LYRM4: variants seen among roughly 807,000 people sequenced by gnomAD.
The protein encoded by LYRM4 is LYR motif containing 4, also known as LYR motif-containing protein 4.
LYRM4 carries 9 observed loss-of-function variants against 11.7 expected under a neutral mutation model. The ratio of observed to expected loss-of-function variants is 0.77; its 90% CI spans 0.46 to 1.34. The LOEUF is 1.34. Ranked by LOEUF, LYRM4 falls within the 40% of genes most tolerant of loss-of-function variation. LYRM4 has a pLI of 0.00. For missense variants in LYRM4, 133 were observed against 112.5 expected, an observed-to-expected ratio of 1.18 and a Z score of -0.82; for synonymous variants, 42 against 40.4, an observed-to-expected ratio of 1.04 and a Z score of -0.15.
chr6:5,094,688 C>A, the LYRM4 span, among the ~76,000 whole-genome samples: 1 of 152,102 alleles, frequency 6.6e-6, no homozygotes, highest in Non-Finnish European at 1.5e-5. Context: ...TTGAAAATGT[C>A]TGTTCAATTC....
Sources: allele counts gnomAD v4.1 joint callset (sites outside exome capture counted in the v4.1 genomes callset), GRCh38; gene constraint gnomAD v4.1.1; transcripts MANE v1.5; gene names NCBI Gene and HGNC (gene_info 2026-07-23, HGNC 2026-07-21).